NBEA: variants seen among roughly 807,000 people sequenced by gnomAD.
The protein encoded by NBEA is neurobeachin.
NBEA carries 44 observed loss-of-function variants against 343.4 expected under a neutral mutation model. That is an observed-to-expected ratio of 0.13 (90% CI 0.10 to 0.16). The LOEUF is 0.16. Ranked by LOEUF, NBEA falls within the 10% of genes least tolerant of loss-of-function variation. The pLI is 1.00. For missense variants in NBEA, 2,555 were observed against 3,631.3 expected (o/e 0.70, Z 7.62); for synonymous variants, 1,175 against 1,238.7 (o/e 0.95, Z 1.08).
At chr13:34,985,060 A>G (rs1366107417) in intron 1 of NBEA, among the ~76,000 whole-genome samples, 1 of 151,088 alleles carries the variant, frequency 6.6e-6, no homozygotes, top group African/African-American at 2.4e-5. Flanking sequence ...CCCTGGCCAG[A>G]ACTTACAACA....
rs1314495837 is a variant in NBEA, at chr13:35,308,494, ATATGTGTATATATATATG to A, written c.5839-1032_5839-1015del. On this transcript the variant is annotated intron_variant, in intron 35 of 58. Coordinates refer to ENST00000379939, the MANE Select transcript of NBEA (RefSeq NM_001385012.1). ...TATATGTATATATATATGTGTATAT[ATATGTGTATATATATATG>A]TGTATATATGTATATATATGTATAT... 3.5e-3 allele frequency among the ~76,000 whole-genome samples: 421 copies of A among 120,238 alleles called. 6 individuals are homozygous for A. Among genetic ancestry groups the A allele is most frequent in the African/African-American group, 0.014 (408 of 29,180 alleles). The allele number at this position is 120,238 out of a possible 152,430, so 78.9% of individuals were successfully genotyped here.
At position 35,126,534 on chromosome 13, in the gene NBEA, T is replaced by G. The variant is rs186385610; in HGVS notation, c.2336+2960T>G. ...TAGTGAAATACACAGAAGATAAAAC[T>G]GAAAAAAAAGCAAATATTATGAATA... is the stretch of plus-strand genomic sequence containing the variant. On this transcript the variant is annotated intron_variant, in intron 17 of 58. Transcript: ENST00000379939. 2.6e-5 allele frequency among the ~76,000 whole-genome samples: 4 copies of G among 151,372 alleles called. No individual in the cohort carries two copies. In the East Asian group the frequency reaches 7.8e-4, roughly 29 times the overall value.
intron 41 of NBEA, among the ~76,000 whole-genome samples, chr13:35,510,378 T>C (rs2077231691): frequency 6.6e-6 from 1 of 152,188 alleles, no homozygotes; most frequent in South Asian, 2.1e-4. Flanking sequence ...GACATGAAAA[T>C]AATATTAAAT....
At chr13:35,244,867 G>T (rs980787625) in intron 34 of NBEA, among the ~76,000 whole-genome samples, 10 of 151,864 alleles carry the variant, frequency 6.6e-5, no homozygotes, top group Admixed American at 3.9e-4. Flanking sequence ...TGCAGCTATT[G>T]TAAAGGGGTT....
chr13:35,409,982 A>G (rs568401961), intron 38 of NBEA, among the ~76,000 whole-genome samples: 10 of 152,202 alleles, frequency 6.6e-5, no homozygotes, highest in Admixed American at 6.6e-4. Context: ...TTTTTTGCCT[A>G]AAGTTTCATT....
At chr13:35,191,942 T>G (rs2072229724) in intron 30 of NBEA, among the ~76,000 whole-genome samples, 1 of 152,022 alleles carries the variant, frequency 6.6e-6, no homozygotes, top group Non-Finnish European at 1.5e-5. Flanking sequence ...TTTGCTGAAG[T>G]TGTCCTCATA....
chr13:35,297,384 A>C lies in NBEA; in HGVS notation c.5838+6934A>C, dbSNP rs192460453. On this transcript the variant is annotated intron_variant, in intron 35 of 58. Coordinates refer to ENST00000379939, the MANE Select transcript of NBEA (RefSeq NM_001385012.1). Reference sequence around the variant, plus strand: ...GGATGCTCTTATATGTGATTAAGGTATGATTTTCTTTATCTACCACATTTC... The same window carrying C: ...GGATGCTCTTATATGTGATTAAGGTCTGATTTTCTTTATCTACCACATTTC... Among the ~76,000 whole-genome samples, 3 of 152,160 alleles carry C rather than the reference A, an allele frequency of 2.0e-5. No homozygotes were observed. In the East Asian group the frequency reaches 5.8e-4, roughly 29 times the overall value.
At chr13:35,456,921 A>T (rs992425972) in intron 40 of NBEA, among the ~76,000 whole-genome samples, 37 of 151,218 alleles carry the variant, frequency 2.4e-4, no homozygotes, top group Admixed American at 1.9e-3. Flanking sequence ...AATTGTAATA[A>T]TTTTTTTTGT....
At chr13:35,116,818 T>C (rs1566310330) in intron 13 of NBEA, among the ~76,000 whole-genome samples, 2 of 152,026 alleles carry the variant, frequency 1.3e-5, no homozygotes, top group African/African-American at 4.8e-5. Flanking sequence ...TTGAAATTAC[T>C]TTAAAATTTG....
chr13:35,558,964 G>A (rs1398069575), intron 44 of NBEA, among the ~76,000 whole-genome samples: 1 of 152,050 alleles, frequency 6.6e-6, no homozygotes, highest in Non-Finnish European at 1.5e-5. Flanking sequence ...TGACTATCCA[G>A]GCAAAATAAA....
At chr13:35,475,409 C>A (rs1050308917) in intron 41 of NBEA, 1 of 1,613,746 alleles carries the variant, frequency 6.2e-7, no homozygotes, top group Non-Finnish European at 8.5e-7. Flanking sequence ...CTGCAGCCCC[C>A]CATCTGCAGT....
In NBEA at chr13:35,440,640, G is replaced by A. The variant is rs1219718918; in HGVS notation, c.6304+8247G>A. Among the ~76,000 whole-genome samples, 13 of 152,244 alleles carry A rather than the reference G, an allele frequency of 8.5e-5. 1 individual carries two copies. In the South Asian group the frequency reaches 2.5e-3, roughly 29 times the overall value. Reference sequence around the variant, plus strand: ...TAAATGATGGAACACAGGATAGTGTGGGGAAATGGTATGAAGATGAGGCTG... The same window carrying A: ...TAAATGATGGAACACAGGATAGTGTAGGGAAATGGTATGAAGATGAGGCTG... On this transcript the variant is annotated intron_variant, in intron 39 of 58. Transcript: ENST00000379939.
At chr13:35,498,925 G>A (rs916011654) in intron 41 of NBEA, among the ~76,000 whole-genome samples, 6 of 152,018 alleles carry the variant, frequency 3.9e-5, no homozygotes, top group African/African-American at 1.2e-4. Flanking sequence ...TGAGATTTGT[G>A]TGGTGGTGCT....
At chr13:35,660,159 T>C (rs1013952709) in intron 55 of NBEA, among the ~76,000 whole-genome samples, 10 of 152,216 alleles carry the variant, frequency 6.6e-5, no homozygotes, top group Non-Finnish European at 1.3e-4. Context: ...CATTTCTCAT[T>C]ACGTGCTGTA....
At chr13:35,600,961 G>A (rs1238728010) in intron 47 of NBEA, among the ~76,000 whole-genome samples, 1 of 152,120 alleles carries the variant, frequency 6.6e-6, no homozygotes, top group Non-Finnish European at 1.5e-5. Flanking sequence ...CAGATCACTT[G>A]AGATCAAGAG....
chr13:35,489,268 T>C (rs2076416688), intron 41 of NBEA, among the ~76,000 whole-genome samples: 1 of 151,864 alleles, frequency 6.6e-6, no homozygotes, highest in Admixed American at 6.6e-5. Flanking sequence ...CCCCATCTGT[T>C]TCATCTGGTG....
intron 10 of NBEA, among the ~76,000 whole-genome samples, chr13:35,086,912 T>G (rs867011586): frequency 3.3e-5 from 5 of 152,146 alleles, no homozygotes; most frequent in South Asian, 2.1e-4. Flanking sequence ...GTTGAATATT[T>G]TTTCATATAC....
intron 36 of NBEA, among the ~76,000 whole-genome samples, chr13:35,338,016 T>A (rs1311837785): frequency 6.6e-6 from 1 of 151,116 alleles, no homozygotes; most frequent in East Asian, 2.0e-4. Flanking sequence ...AAAGGGGAAA[T>A]AAGAAAACAT....
chr13:35,067,531 A>G (rs953114352), intron 8 of NBEA, among the ~76,000 whole-genome samples: 3 of 152,104 alleles, frequency 2.0e-5, no homozygotes, highest in African/African-American at 7.2e-5. Flanking sequence ...TTGTGCGGAC[A>G]TCACTACAAT....
Sources: gnomAD v4.1 joint callset for allele counts (sites outside exome capture counted in the v4.1 genomes callset) on GRCh38, gnomAD v4.1.1 for gene constraint, MANE v1.5 for transcripts, NCBI Gene and HGNC (gene_info 2026-07-23, HGNC 2026-07-21) for gene names.